Variants in ZNF469 observed in about 807,000 individuals in gnomAD.
The protein encoded by ZNF469 is zinc finger protein 469.
A neutral mutation model predicts 1.0 loss-of-function variants in ZNF469; 1 was observed. The ratio of observed to expected loss-of-function variants is 1.00; its 90% CI spans 0.35 to 4.73. ZNF469 has a LOEUF of 4.73. Ranked by LOEUF, ZNF469 falls within the 30% of genes most tolerant of loss-of-function variation. The pLI, the probability that ZNF469 is intolerant of heterozygous loss-of-function variation, is 0.16. For missense variants in ZNF469, 6,100 were observed against 5,356.3 expected (o/e 1.14, Z -4.33); for synonymous variants, 2,703 against 2,363.4 (o/e 1.14, Z -4.17).
At chr16:88,236,307 G>A in the ZNF469 span, among the ~76,000 whole-genome samples, 1 of 152,252 alleles carries the variant, frequency 6.6e-6, no homozygotes, top group Admixed American at 6.5e-5. Flanking sequence ...ATTCCTTCCA[G>A]GACCTGCTCC....
chr16:88,182,580 C>T, the ZNF469 span, among the ~76,000 whole-genome samples: 1 of 152,020 alleles, frequency 6.6e-6, no homozygotes, highest in East Asian at 1.9e-4. Context: ...TGGAAATAAA[C>T]GCATGTATAT....
chr16:88,297,903 C>T, the ZNF469 span, among the ~76,000 whole-genome samples: 2 of 152,108 alleles, frequency 1.3e-5, no homozygotes, highest in Non-Finnish European at 2.9e-5. Context: ...GGCTTTTGTC[C>T]CCAGGAGTCC....
the ZNF469 span, among the ~76,000 whole-genome samples, chr16:88,248,385 G>C: frequency 6.6e-6 from 1 of 152,150 alleles, no homozygotes. Context: ...TATTGGTCCA[G>C]TTTCTCTCTC....
rs1167319514 is a variant in ZNF469 at position 88,427,770 on chromosome 16, C to T, written c.300C>T (p.Ser100=). Reference sequence around the variant, plus strand: ...GCCCCCAGACCCCACCGGGGAGAAGCCCCTTGCAGGCTCCCTCAAGGCTGG... The same window carrying T: ...GCCCCCAGACCCCACCGGGGAGAAGTCCCTTGCAGGCTCCCTCAAGGCTGG... ...RGSPQTPPGR[S]PLQAPSRLAG... The change falls in exon 3 of 3, where the codon AGC becomes AGT. Residue 100 remains serine, a synonymous_variant. Transcript: ENST00000565624. The T allele has an allele frequency of 1.3e-6, 2 of 1,545,894 alleles. No individual in the cohort carries two copies. The highest frequency in any genetic ancestry group is 2.7e-5 in the African/African-American group (2 of 73,020).
chr16:88,196,205 G>C, the ZNF469 span, among the ~76,000 whole-genome samples: 2 of 152,196 alleles, frequency 1.3e-5, no homozygotes, highest in African/African-American at 4.8e-5. Flanking sequence ...TAGAAGTGGA[G>C]TACCTGTCGG....
At chr16:88,166,992 G>A in the ZNF469 span, among the ~76,000 whole-genome samples, 6 of 151,716 alleles carry the variant, frequency 4.0e-5, no homozygotes, top group Admixed American at 6.6e-5. The surrounding 1 kb of genome is among the most constrained non-coding windows in gnomAD (Gnocchi z 4.5). Context: ...ACTCTTGGGC[G>A]GAATCCATGC....
At chr16:88,101,648 C>T in the ZNF469 span, among the ~76,000 whole-genome samples, 221 of 151,984 alleles carry the variant, frequency 1.5e-3, no homozygotes, top group African/African-American at 4.2e-3. Context: ...AAGTCCACAG[C>T]GAATCTGAGG....
At chr16:88,237,138 A>G in the ZNF469 span, among the ~76,000 whole-genome samples, 13,105 of 109,956 alleles carry the variant, frequency 0.12, 802 homozygotes, top group East Asian at 0.3. Context: ...TAAATCCTCC[A>G]TGCTCCTGCC....
upstream of ZNF469, among the ~76,000 whole-genome samples, chr16:88,380,839 C>T (rs1268659806): frequency 6.7e-6 from 1 of 150,358 alleles, no homozygotes; most frequent in African/African-American, 2.4e-5. Flanking sequence ...CACGCACTCA[C>T]ACAGACATGC....
At chr16:88,334,832 G>A in the ZNF469 span, among the ~76,000 whole-genome samples, 5 of 150,614 alleles carry the variant, frequency 3.3e-5, no homozygotes, top group South Asian at 2.1e-4. Flanking sequence ...GGAAGATGCC[G>A]ACGGGAGGAC....
At position 88,427,441 on chromosome 16, in the gene ZNF469, G is replaced by A. The variant is rs980745746; in HGVS notation, c.-30G>A. 15 of 1,458,010 alleles carry A rather than the reference G, an allele frequency of 1.0e-5. No homozygotes were observed. In the Admixed American group the frequency reaches 1.5e-4, roughly 14 times the overall value. 90.3% of individuals were successfully genotyped at this position (1,458,010 alleles called of 1,614,324 possible). On this transcript the variant is annotated 5_prime_UTR_variant, in exon 3 of 3. Coordinates refer to ENST00000565624, the MANE Select transcript of ZNF469 (RefSeq NM_001367624.2). ...TCCCCAGGGCCCCCCTCGGACAGCT[G>A]CGTCGTCCTAGCGCCAGGACGGAGG...
At chr16:88,123,246 A>T in the ZNF469 span, among the ~76,000 whole-genome samples, 2 of 152,094 alleles carry the variant, frequency 1.3e-5, no homozygotes, top group African/African-American at 4.8e-5. Flanking sequence ...TTTCGTGTCC[A>T]TGGAGTCGGG....
the ZNF469 span, among the ~76,000 whole-genome samples, chr16:88,369,291 C>A: frequency 6.6e-6 from 1 of 152,206 alleles, no homozygotes; most frequent in African/African-American, 2.4e-5. Flanking sequence ...CATCACTGCC[C>A]TTGGGACGCC....
rs889537690 is a variant in ZNF469, at chr16:88,439,361, G to A, written c.*29G>A. On this transcript the variant is annotated 3_prime_UTR_variant, in exon 3 of 3. Transcript: ENST00000565624. ...CTAGGAGCAAGAGCCTGGGACCGGA[G>A]CTGGGCGTTCCTGTCTCGGCCTGCC... is the stretch of plus-strand genomic sequence containing the variant. The A allele has an allele frequency of 1.3e-6, 2 of 1,549,674 alleles. No individual in the cohort carries two copies. Among genetic ancestry groups the A allele is most frequent in the South Asian group, 1.2e-5 (1 of 83,914 alleles).
At chr16:88,364,857 T>C in the ZNF469 span, among the ~76,000 whole-genome samples, 1 of 151,998 alleles carries the variant, frequency 6.6e-6, no homozygotes, top group East Asian at 1.9e-4. Flanking sequence ...CCCATCTACT[T>C]GAGAGGCTGA....
upstream of ZNF469, among the ~76,000 whole-genome samples, chr16:88,382,447 G>T (rs750739389): frequency 6.6e-6 from 1 of 152,250 alleles, no homozygotes; most frequent in East Asian, 1.9e-4. Context: ...AAGGGACCCA[G>T]AGTGGAGACA....
At chr16:88,112,803 A>T in the ZNF469 span, among the ~76,000 whole-genome samples, 2 of 82,886 alleles carry the variant, frequency 2.4e-5, no homozygotes, top group East Asian at 4.5e-4. Flanking sequence ...TTTGAGATGG[A>T]GTCTTGCTCT....
chr16:88,238,414 ATAGATAGACCCTAGG>A, the ZNF469 span, among the ~76,000 whole-genome samples: 1 of 152,144 alleles, frequency 6.6e-6, no homozygotes, highest in Non-Finnish European at 1.5e-5. Flanking sequence ...GAGACCCTAG[ATAGATAGACCCTAGG>A]TAGACCCTAA....
the ZNF469 span, chr16:88,178,391 T>C: frequency 6.6e-6 from 1 of 152,148 alleles, no homozygotes. Context: ...ACTCCGGCGT[T>C]CTGAGAACTG....
Sources: gnomAD v4.1 joint callset for allele counts (sites outside exome capture counted in the v4.1 genomes callset) on GRCh38, gnomAD v4.1.1 for gene constraint, Gnocchi (gnomAD v3.1) non-coding constraint, MANE v1.5 for transcripts, NCBI Gene and HGNC (gene_info 2026-07-23, HGNC 2026-07-21) for gene names.